BBX: variants seen among roughly 807,000 people sequenced by gnomAD.
BBX encodes the protein HMG box transcription factor BBX.
Under a neutral mutation model 100.2 loss-of-function variants are expected in BBX, and 30 were observed. The ratio of observed to expected loss-of-function variants is 0.30; its 90% confidence interval spans 0.22 to 0.41. The LOEUF (loss-of-function observed/expected upper bound fraction) is 0.41. Among genes scored for constraint, BBX ranks in the 10% least tolerant of loss-of-function variants. BBX has a pLI of 1.00. For synonymous variants in BBX, 376 were observed against 388.1 expected (o/e 0.97, Z 0.37); for missense variants, 1,023 against 1,129.8 (o/e 0.91, Z 1.35).
chr3:107,688,115 C>A (rs1291992498), intron 3 of BBX, among the ~76,000 whole-genome samples: 1 of 152,132 alleles, frequency 6.6e-6, no homozygotes, highest in African/African-American at 2.4e-5. Context: ...TATCTGTTCC[C>A]AGATTATCTT....
chr3:107,640,489 C>T (rs1559906487), intron 2 of BBX, among the ~76,000 whole-genome samples: 1 of 152,122 alleles, frequency 6.6e-6, no homozygotes, highest in Non-Finnish European at 1.5e-5. Context: ...TTATTCGTCT[C>T]CTGTGTAGAG....
At chr3:107,552,395 C>T (rs1331764401) in intron 2 of BBX, among the ~76,000 whole-genome samples, 1 of 134,760 alleles carries the variant, frequency 7.4e-6, no homozygotes, top group African/African-American at 2.7e-5. Context: ...TGGACTTGGT[C>T]TGATCCTCTG....
intron 6 of BBX, among the ~76,000 whole-genome samples, chr3:107,732,460 A>G (rs1465106466): frequency 2.0e-5 from 3 of 152,206 alleles, no homozygotes; most frequent in Non-Finnish European, 4.4e-5. Flanking sequence ...GATTATTTGA[A>G]TAAAACCTAC....
chr3:107,610,467 GTC>G (rs1160301170), intron 2 of BBX, among the ~76,000 whole-genome samples: 1 of 151,970 alleles, frequency 6.6e-6, no homozygotes, highest in East Asian at 1.9e-4. Flanking sequence ...TCTTATTGGG[GTC>G]TCTCTCTCTT....
chr3:107,798,725 GAA>G lies in BBX; in HGVS notation c.2551+6_2551+7del. On this transcript the variant is annotated splice_donor_region_variant and intron_variant, in intron 16 of 17. Coordinates refer to ENST00000325805, the MANE Select transcript of BBX (RefSeq NM_001142568.3). ...CACCAGCAGGAGGTACTTTGGGTAA[GAA>G]GAGAGAGCTTTAGACCAGAGGTGTC... The G allele has an allele frequency of 2.5e-6, 4 of 1,607,798 alleles. No homozygotes were observed. Among genetic ancestry groups the G allele is most frequent in the Non-Finnish European group, 3.4e-6 (4 of 1,176,454 alleles).
At chr3:107,523,320 C>T (rs1049402070) in intron 1 of BBX, 6 of 163,140 alleles carry the variant, frequency 3.7e-5, no homozygotes, top group Non-Finnish European at 6.7e-5. Context: ...CGGCCCGCTC[C>T]CTGGGCACTT....
At chr3:107,725,239 A>G (rs1442501314) in intron 5 of BBX, among the ~76,000 whole-genome samples, 4 of 151,982 alleles carry the variant, frequency 2.6e-5, no homozygotes, top group Non-Finnish European at 5.9e-5. Flanking sequence ...GAATGCTTGT[A>G]ATTTTTGCAC....
In BBX at chr3:107,807,439, A is replaced by T. The variant is rs1189524637; in HGVS notation, c.*1982A>T. On this transcript the variant is annotated 3_prime_UTR_variant, in exon 18 of 18. Coordinates refer to ENST00000325805, the MANE Select transcript of BBX (RefSeq NM_001142568.3). ...TTTCAAAACAAAAAGTGAATGTTTG[A>T]AATTGCTGGGTCCCGATGTTGGTGG... 1 of 152,198 alleles carries T rather than the reference A, an allele frequency of 6.6e-6. No homozygotes were observed. The highest frequency in any genetic ancestry group is 1.5e-5 in the Non-Finnish European group (1 of 68,036). 9.4% of individuals were successfully genotyped at this position (152,198 alleles called of 1,614,324 possible).
At chr3:107,670,680 G>A (rs994014081) in intron 3 of BBX, among the ~76,000 whole-genome samples, 4 of 152,212 alleles carry the variant, frequency 2.6e-5, no homozygotes, top group Middle Eastern at 3.4e-3. Context: ...TTTCATATTT[G>A]TGTTACAAAT....
At chr3:107,795,783 GT>G (rs2069585587) in intron 15 of BBX, among the ~76,000 whole-genome samples, 2 of 151,946 alleles carry the variant, frequency 1.3e-5, no homozygotes, top group African/African-American at 4.8e-5. Context: ...TCACAGTCTG[GT>G]TTTAGGCAGA....
chr3:107,586,016 T>C (rs1029691520), intron 2 of BBX, among the ~76,000 whole-genome samples: 8 of 152,186 alleles, frequency 5.3e-5, no homozygotes, highest in Non-Finnish European at 1.5e-5. Context: ...AAATATGTTT[T>C]CTGATGTTCT....
chr3:107,734,090 T>A (rs1274685437), intron 7 of BBX, among the ~76,000 whole-genome samples: 1 of 152,302 alleles, frequency 6.6e-6, no homozygotes, highest in East Asian at 1.9e-4. Context: ...ATTTTTTACT[T>A]TTTGTTTTTT....
Position 107,801,194 on chromosome 3 carries a change from G to A in BBX, c.2651G>A (p.Arg884Gln), listed in dbSNP as rs769335340. The change falls in exon 17 of 18, where the codon CGG becomes CAG. Residue 884 changes from arginine to glutamine, a missense_variant. By Grantham distance (43) the Arg-to-Gln change is conservative. Around this residue, in one of 9 missense-constraint regions of BBX, gnomAD observed 104 missense variants for 132.2 expected, o/e 0.79. Coordinates refer to ENST00000325805, the MANE Select transcript of BBX (RefSeq NM_001142568.3). ...CSHNTEVGET[R>Q]SSTPEMPAVS... Reference sequence around the variant, plus strand: ...CACAACACCGAGGTCGGGGAGACGCGGAGCAGTACTCCAGAAATGCCTGCC... The same window carrying A: ...CACAACACCGAGGTCGGGGAGACGCAGAGCAGTACTCCAGAAATGCCTGCC... 28 of 1,614,160 alleles carry A rather than the reference G, an allele frequency of 1.7e-5. No individual in the cohort carries two copies. In the South Asian group the frequency reaches 1.8e-4, roughly 10 times the overall value.
At chr3:107,668,538 C>G in intron 3 of BBX, among the ~76,000 whole-genome samples, 1 of 152,222 alleles carries the variant, frequency 6.6e-6, no homozygotes, top group East Asian at 1.9e-4. Context: ...TAGTAACCAG[C>G]TACCTGCTAA....
intron 2 of BBX, among the ~76,000 whole-genome samples, chr3:107,585,407 C>T (rs1430200535): frequency 6.6e-6 from 1 of 151,996 alleles, no homozygotes; most frequent in Non-Finnish European, 1.5e-5. Flanking sequence ...ATAAATGAGA[C>T]GTATCTTCAT....
intron 2 of BBX, among the ~76,000 whole-genome samples, chr3:107,569,565 G>A (rs1474403757): frequency 6.6e-6 from 1 of 152,112 alleles, no homozygotes; most frequent in Admixed American, 6.5e-5. Flanking sequence ...TGTGGCTATA[G>A]CCTAGGAATA....
chr3:107,557,804 T>C (rs2050191147), intron 2 of BBX, among the ~76,000 whole-genome samples: 1 of 152,194 alleles, frequency 6.6e-6, no homozygotes, highest in Admixed American at 6.5e-5. Context: ...AGTAGATTGA[T>C]TTCAGTTGTT....
intron 2 of BBX, among the ~76,000 whole-genome samples, chr3:107,554,618 G>T: frequency 6.6e-6 from 1 of 152,098 alleles, no homozygotes; most frequent in Non-Finnish European, 1.5e-5. Context: ...AATTTATTCT[G>T]TCTAGTTTCT....
intron 3 of BBX, among the ~76,000 whole-genome samples, chr3:107,686,521 T>C (rs1007871432): frequency 7.2e-5 from 11 of 152,142 alleles, no homozygotes; most frequent in African/African-American, 2.7e-4. Context: ...TGGAAGATAG[T>C]TGAAATAGTG....
Sources: gnomAD v4.1 joint callset for allele counts (sites outside exome capture counted in the v4.1 genomes callset) on GRCh38, gnomAD v4.1.1 for gene constraint, gnomAD v4.1.1 regional missense constraint, MANE v1.5 for transcripts, NCBI Gene and HGNC (gene_info 2026-07-23, HGNC 2026-07-21) for gene names.